The following ADAMTS19 variants were observed in gnomAD, a reference collection of about 807,000 sequenced individuals.
ADAMTS19 encodes A disintegrin and metalloproteinase with thrombospondin motifs 19.
In ADAMTS19, 93 loss-of-function variants were observed where a neutral mutation model predicts 153.3. The observed-to-expected ratio is 0.61, with a 90% CI of 0.51 to 0.72. ADAMTS19 has a LOEUF of 0.72. Ranked by LOEUF, ADAMTS19 falls within the 30% of genes least tolerant of loss-of-function variation. The pLI is 0.00. For synonymous variants in ADAMTS19, 600 were observed against 556.6 expected (o/e 1.08, Z -1.10); for missense variants, 1,482 against 1,552.1 (o/e 0.95, Z 0.76).
intron 7 of ADAMTS19, among the ~76,000 whole-genome samples, chr5:129,594,500 C>A (rs1750283745): frequency 6.6e-6 from 1 of 152,106 alleles, no homozygotes. Context: ...GACGTTTAAT[C>A]TCAAATTATT....
chr5:129,652,479 G>A (rs1753360304), intron 13 of ADAMTS19, among the ~76,000 whole-genome samples: 1 of 152,136 alleles, frequency 6.6e-6, no homozygotes, highest in Non-Finnish European at 1.5e-5. Flanking sequence ...CCAAAATTTG[G>A]CTGAAATCCA....
chr5:129,542,475 T>A (rs1321025644), intron 6 of ADAMTS19, among the ~76,000 whole-genome samples: 1 of 152,206 alleles, frequency 6.6e-6, no homozygotes, highest in East Asian at 1.9e-4. Context: ...AAACCTTCCA[T>A]TATAACCCTG....
chr5:129,686,183 A>T (rs1055520768), intron 18 of ADAMTS19, among the ~76,000 whole-genome samples: 9 of 152,168 alleles, frequency 5.9e-5, no homozygotes, highest in African/African-American at 2.2e-4. Flanking sequence ...ATGCGAGTGC[A>T]CTTGTGAAGT....
At chr5:129,511,457 A>G (rs1352311557) in intron 3 of ADAMTS19, among the ~76,000 whole-genome samples, 1 of 151,660 alleles carries the variant, frequency 6.6e-6, no homozygotes, top group African/African-American at 2.4e-5. Flanking sequence ...AACTTTTGAA[A>G]CTTAGCTTTT....
At chr5:129,721,165 C>T (rs1343446874) in intron 21 of ADAMTS19, among the ~76,000 whole-genome samples, 1 of 152,142 alleles carries the variant, frequency 6.6e-6, no homozygotes, top group Non-Finnish European at 1.5e-5. Flanking sequence ...TGCTATGATT[C>T]ACCGGAATTG....
At chr5:129,488,878 G>A (rs73787522) in intron 2 of ADAMTS19, among the ~76,000 whole-genome samples, 1,981 of 152,052 alleles carry the variant, frequency 0.013, 41 homozygotes, top group African/African-American at 0.045. Context: ...GGTCCTTATG[G>A]TCCCTAAGGT....
chr5:129,594,377 C>T (rs950670536), intron 7 of ADAMTS19, among the ~76,000 whole-genome samples: 1 of 151,980 alleles, frequency 6.6e-6, no homozygotes, highest in East Asian at 1.9e-4. Flanking sequence ...TGGGACTGTT[C>T]TAGCTGTGGT....
At chr5:129,692,741 C>G (rs1454552976) in intron 18 of ADAMTS19, among the ~76,000 whole-genome samples, 1 of 152,204 alleles carries the variant, frequency 6.6e-6, no homozygotes, top group Non-Finnish European at 1.5e-5. Context: ...TCTAATTCAT[C>G]TGCCTATAGG....
At position 129,668,230 on chromosome 5, in the gene ADAMTS19, C is replaced by T. The variant is rs143295594; in HGVS notation, c.2506+2651C>T. On this transcript the variant is annotated intron_variant, in intron 16 of 22. Coordinates refer to ENST00000274487, the MANE Select transcript of ADAMTS19 (RefSeq NM_133638.6). ...TTTCCTCTTCTCTCTTATAAGGCCT[C>T]GTATTTAAGGCCTACCTGGATAATT... 2.4e-3 allele frequency among the ~76,000 whole-genome samples: 371 copies of T among 152,218 alleles called. 1 individual carries two copies. Among genetic ancestry groups the T allele is most frequent in the African/African-American group, 8.5e-3 (355 of 41,526 alleles).
intron 16 of ADAMTS19, among the ~76,000 whole-genome samples, chr5:129,675,145 G>A (rs1054495960): frequency 2.0e-5 from 3 of 152,062 alleles, no homozygotes; most frequent in East Asian, 3.9e-4. Context: ...CTGTTTTAAC[G>A]TGCTTTTTTC....
At chr5:129,576,536 T>C (rs1047673563) in intron 7 of ADAMTS19, among the ~76,000 whole-genome samples, 1 of 152,094 alleles carries the variant, frequency 6.6e-6, no homozygotes, top group African/African-American at 2.4e-5. Flanking sequence ...AAATCAAAAC[T>C]TAAAATTGTC....
intron 5 of ADAMTS19, 37 bp downstream of exon 5, chr5:129,527,868 G>A (rs1752071290): frequency 7.5e-7 from 1 of 1,329,466 alleles, no homozygotes; most frequent in South Asian, 1.3e-5. Context: ...AATTAAATGG[G>A]GGAGAAATTT....
chr5:129,719,414 T>C (rs893469719), intron 21 of ADAMTS19, among the ~76,000 whole-genome samples: 1 of 152,190 alleles, frequency 6.6e-6, no homozygotes, highest in Non-Finnish European at 1.5e-5. Flanking sequence ...GACAAATGAC[T>C]AGCTAGTACT....
chr5:129,643,031 A>G (rs1001297615), intron 11 of ADAMTS19, among the ~76,000 whole-genome samples: 1 of 152,150 alleles, frequency 6.6e-6, no homozygotes. Context: ...AGGGAGATAC[A>G]TATGTTCTAA....
At chr5:129,721,062 T>C (rs534110055) in intron 21 of ADAMTS19, among the ~76,000 whole-genome samples, 3 of 152,340 alleles carry the variant, frequency 2.0e-5, no homozygotes, top group East Asian at 3.9e-4. Flanking sequence ...ATTTGGGCAC[T>C]TTAGAAATTT....
intron 10 of ADAMTS19, among the ~76,000 whole-genome samples, chr5:129,622,816 TA>T (rs1751841700): frequency 6.6e-6 from 1 of 152,184 alleles, no homozygotes; most frequent in Non-Finnish European, 1.5e-5. Context: ...CTAGATTACT[TA>T]CAGAACTTGA....
chr5:129,655,392 C>T (rs1308082416), intron 14 of ADAMTS19, among the ~76,000 whole-genome samples: 2 of 152,162 alleles, frequency 1.3e-5, no homozygotes, highest in African/African-American at 4.8e-5. Flanking sequence ...TTCTGATAAA[C>T]CTTCCAGAAG....
intron 19 of ADAMTS19, among the ~76,000 whole-genome samples, 190 bp downstream of exon 19, chr5:129,695,045 G>A (rs1210594422): frequency 6.6e-6 from 1 of 152,112 alleles, no homozygotes; most frequent in African/African-American, 2.4e-5. Flanking sequence ...TTCCACTTAA[G>A]GAAGGGGTAT....
intron 2 of ADAMTS19, among the ~76,000 whole-genome samples, chr5:129,491,159 G>A (rs935351563): frequency 1.3e-5 from 2 of 151,864 alleles, no homozygotes; most frequent in Admixed American, 6.6e-5. Context: ...CCACCACCAC[G>A]CCCACCTAAT....
Sources: allele counts gnomAD v4.1 joint callset (sites outside exome capture counted in the v4.1 genomes callset), GRCh38; gene constraint gnomAD v4.1.1; transcripts MANE v1.5; gene names NCBI Gene and HGNC (gene_info 2026-07-23, HGNC 2026-07-21).